Variants in ADAMTS20 observed in about 807,000 individuals in gnomAD.
The protein encoded by ADAMTS20 is ADAM metallopeptidase with thrombospondin type 1 motif 20.
ADAMTS20 carries 225 observed loss-of-function variants against 260.1 expected under a neutral mutation model. The ratio of observed to expected loss-of-function variants is 0.87; its 90% CI spans 0.78 to 0.97. The LOEUF (loss-of-function observed/expected upper bound fraction) is 0.97. ADAMTS20 is among the 50% of genes least tolerant of loss of function. The pLI is 0.00. For missense variants in ADAMTS20, 2,400 were observed against 2,337.7 expected, an observed-to-expected ratio of 1.03 and a Z score of -0.55; for synonymous variants, 802 against 769.5, an observed-to-expected ratio of 1.04 and a Z score of -0.70.
intron 36 of ADAMTS20, among the ~76,000 whole-genome samples, chr12:43,374,013 TA>T: frequency 6.6e-6 from 1 of 151,048 alleles, no homozygotes; most frequent in East Asian, 1.9e-4. Context: ...CAAACAAGAA[TA>T]AAAAAAGAAG....
chr12:43,390,655 C>T (rs974794759), intron 29 of ADAMTS20, among the ~76,000 whole-genome samples: 4 of 152,104 alleles, frequency 2.6e-5, no homozygotes, highest in East Asian at 1.9e-4. Flanking sequence ...TTGCCACTTT[C>T]GAGCAAGCAT....
chr12:43,420,781 T>C (rs1231463969), intron 28 of ADAMTS20, among the ~76,000 whole-genome samples: 6 of 144,966 alleles, frequency 4.1e-5, no homozygotes, highest in Non-Finnish European at 9.0e-5. Context: ...CTCTTCTTCT[T>C]CTTCTCCTCC....
intron 7 of ADAMTS20, among the ~76,000 whole-genome samples, chr12:43,483,675 T>C (rs897891345): frequency 6.6e-6 from 1 of 152,124 alleles, no homozygotes; most frequent in Non-Finnish European, 1.5e-5. Flanking sequence ...GGGTGGTGGA[T>C]CGCTTTCCTG....
rs1943513638 is a variant in ADAMTS20, at chr12:43,551,324, CT to C, written c.92-55del. ...CTCCCACGCGTTCCTCATTGTCCAA[CT>C]CTAAACTTCTTCCACCAAACGTCCC... On this transcript the variant is annotated intron_variant, in intron 1 of 38. Transcript: ENST00000389420. The surrounding 1 kb of genome is among the most constrained non-coding windows in gnomAD (Gnocchi z 4.6). 6.4e-7 allele frequency: 1 copy of C among 1,559,554 alleles called. No homozygotes were observed. The highest frequency in any genetic ancestry group is 1.8e-5 in the Admixed American group (1 of 55,042).
chr12:43,374,101 A>G (rs1465979043), intron 36 of ADAMTS20, among the ~76,000 whole-genome samples: 1 of 152,170 alleles, frequency 6.6e-6, no homozygotes, highest in Non-Finnish European at 1.5e-5. Flanking sequence ...AGGCTTAAAG[A>G]CATATGCCCA....
chr12:43,518,457 C>T lies in ADAMTS20; in HGVS notation c.613+13579G>A, dbSNP rs566618015. Among the ~76,000 whole-genome samples the T allele has an allele frequency of 5.3e-5, 8 of 152,188 alleles. No individual in the cohort carries two copies. In the East Asian group the frequency reaches 1.5e-3, roughly 29 times the overall value. On this transcript the variant is annotated intron_variant, in intron 3 of 38. Transcript: ENST00000389420. ...CCTTGACCTCTACCTTTCAATCTTC[C>T]TAGTTGATTTCTCCTCATCTCCCCA...
intron 3 of ADAMTS20, among the ~76,000 whole-genome samples, chr12:43,527,794 C>G (rs1323817530): frequency 6.6e-6 from 1 of 152,040 alleles, no homozygotes; most frequent in Admixed American, 6.6e-5. Flanking sequence ...AGGAGGCCCA[C>G]TTTTACCACT....
chr12:43,438,877 C>T (rs896635141), intron 18 of ADAMTS20, among the ~76,000 whole-genome samples: 4 of 152,274 alleles, frequency 2.6e-5, no homozygotes, highest in African/African-American at 4.8e-5. Flanking sequence ...CCACACTGTG[C>T]GTATCTATAG....
intron 3 of ADAMTS20, among the ~76,000 whole-genome samples, chr12:43,515,586 AT>A (rs1452636203): frequency 1.3e-5 from 2 of 152,196 alleles, no homozygotes; most frequent in Non-Finnish European, 2.9e-5. Context: ...TCCTTAAAAG[AT>A]TTTGTAAAAT....
intron 7 of ADAMTS20, among the ~76,000 whole-genome samples, chr12:43,482,406 T>A (rs146514676): frequency 3.9e-5 from 6 of 152,238 alleles, no homozygotes; most frequent in Non-Finnish European, 8.8e-5. Context: ...AAGTTTCGAG[T>A]TCTGAAACAA....
Position 43,434,327 on chromosome 12 carries a change from T to C in ADAMTS20, c.2638A>G (p.Ser880Gly), listed in dbSNP as rs564825320. 6.6e-5 allele frequency: 105 copies of C among 1,592,752 alleles called. No individual in the cohort carries two copies. In the South Asian group the frequency reaches 1.1e-3, roughly 16 times the overall value. The part of the protein sequence containing the change: ...NITCIHKSDH[S>G]VVSDKECDHL... ...TCACATTCTTTATCAGACACAACAC[T>C]ATGATCACTCTTATGTATGCAAGTT... Residue 880 changes from serine (S) to glycine (G), a missense_variant, in exon 19 of 39, where the codon AGT becomes GGT. Transcript: ENST00000389420.
intron 18 of ADAMTS20, among the ~76,000 whole-genome samples, chr12:43,435,018 G>C (rs1038842630): frequency 7.4e-6 from 1 of 134,396 alleles, no homozygotes; most frequent in Non-Finnish European, 1.5e-5. Flanking sequence ...CAGTTGTGGG[G>C]GAAGGAAGGA....
Position 43,425,620 on chromosome 12 carries a change from A to G in ADAMTS20, c.4178T>C (p.Leu1393Ser). 6.2e-7 allele frequency: 1 copy of G among 1,611,316 alleles called. No individual in the cohort carries two copies. The highest frequency in any genetic ancestry group is 8.5e-7 in the Non-Finnish European group (1 of 1,178,334). The change falls in exon 28 of 39, where the codon TTA becomes TCA. Residue 1393 changes from leucine to serine, a missense_variant. Leu to Ser is a moderately radical substitution (Grantham distance 145). Coordinates refer to ENST00000389420, the MANE Select transcript of ADAMTS20 (RefSeq NM_025003.5). Reference protein sequence around the residue: ...VICQFPNGQILEDHNCEIVNK... With the variant: ...VICQFPNGQISEDHNCEIVNK... ...TACAATTTCACAGTTGTGATCTTCT[A>G]ATATTTGGCCATTGGGAAATTGACA...
rs542476343 is a variant in ADAMTS20, at chr12:43,490,569, C to T, written c.1077-134G>A. The T allele has an allele frequency of 1.5e-5, 7 of 466,606 alleles. No homozygotes were observed. The Admixed American group carries it at 3.3e-4, about 22-fold the overall frequency. The allele number at this position is 466,606 out of a possible 1,614,324, so 28.9% of individuals were successfully genotyped here. A position where few individuals can be genotyped will look rare whatever the true frequency, so the allele number is the denominator to read the frequency against. On this transcript the variant is annotated intron_variant, in intron 6 of 38. Transcript: ENST00000389420. ...CTTCTAAAATCTAGTTCACATTAAC[C>T]TCTCAAAAAGTCTAAACCTAGAGTA...
intron 3 of ADAMTS20, among the ~76,000 whole-genome samples, chr12:43,513,135 A>G (rs1275390576): frequency 1.3e-5 from 2 of 152,168 alleles, no homozygotes; most frequent in Non-Finnish European, 2.9e-5. Context: ...AGTGAACTTG[A>G]AGGAAAAAAG....
chr12:43,383,257 C>T (rs910449413), intron 31 of ADAMTS20, among the ~76,000 whole-genome samples: 1 of 152,076 alleles, frequency 6.6e-6, no homozygotes, highest in African/African-American at 2.4e-5. Flanking sequence ...AATTACACCT[C>T]GATAAAGCCA....
intron 29 of ADAMTS20, among the ~76,000 whole-genome samples, chr12:43,388,547 T>A (rs766874790): frequency 2.0e-5 from 3 of 152,260 alleles, no homozygotes; most frequent in Non-Finnish European, 2.9e-5. Context: ...GTGTAAACTG[T>A]AAACTTAGAC....
In ADAMTS20 at chr12:43,399,058, T is replaced by C; in HGVS notation, c.4452+8A>G. On this transcript the variant is annotated splice_region_variant and intron_variant, in intron 29 of 38. Coordinates refer to ENST00000389420, the MANE Select transcript of ADAMTS20 (RefSeq NM_025003.5). Reference sequence around the variant, plus strand: ...TACATATATAATTATAAAATATACATCATATACCTCATTCCAGCTATTGGC... The same window carrying C: ...TACATATATAATTATAAAATATACACCATATACCTCATTCCAGCTATTGGC... 6.8e-7 allele frequency: 1 copy of C among 1,477,502 alleles called. No individual in the cohort carries two copies. Among genetic ancestry groups the C allele is most frequent in the East Asian group, 2.6e-5 (1 of 38,608 alleles). 91.5% of individuals were successfully genotyped at this position (1,477,502 alleles called of 1,614,324 possible).
intron 7 of ADAMTS20, 66 bp from the exon 8 acceptor site, chr12:43,468,771 T>C (rs1942200992): frequency 2.2e-6 from 2 of 909,000 alleles, no homozygotes; most frequent in South Asian, 3.1e-5. Flanking sequence ...AAGAACTTAA[T>C]TTTGAAGCAT....
Sources: allele counts gnomAD v4.1 joint callset (sites outside exome capture counted in the v4.1 genomes callset), GRCh38; gene constraint gnomAD v4.1.1; non-coding constraint Gnocchi (gnomAD v3.1); transcripts MANE v1.5; gene names NCBI Gene and HGNC (gene_info 2026-07-23, HGNC 2026-07-21).